Variants in AHNAK observed in about 807,000 individuals in gnomAD.
The protein encoded by AHNAK is neuroblast differentiation-associated protein AHNAK.
Under a neutral mutation model 37.8 loss-of-function variants are expected in AHNAK, and 23 were observed. The observed-to-expected ratio is 0.61, with a 90% CI of 0.44 to 0.86. AHNAK has a LOEUF of 0.86. Among genes scored for constraint, AHNAK ranks in the 40% least tolerant of loss-of-function variants. The pLI, the probability that AHNAK is intolerant of heterozygous loss-of-function variation, is 0.00. For missense variants in AHNAK, 7,411 were observed against 7,319.4 expected (o/e 1.01, Z -0.46); for synonymous variants, 2,481 against 2,636.3 (o/e 0.94, Z 1.80).
At chr11:62,485,087 C>T (rs1386298145) in intron 5 of AHNAK, among the ~76,000 whole-genome samples, 1 of 152,294 alleles carries the variant, frequency 6.6e-6, no homozygotes, top group Admixed American at 6.5e-5. Context: ...CCGTGCCTGG[C>T]CTTTGACTTA....
At chr11:62,473,579 G>C (rs569708299) in intron 5 of AHNAK, among the ~76,000 whole-genome samples, 2 of 152,014 alleles carry the variant, frequency 1.3e-5, no homozygotes, top group East Asian at 3.9e-4. Context: ...CAGTTACTCA[G>C]GAGGCTGAGA....
chr11:62,515,904 A>G lies in AHNAK; in HGVS notation c.*840T>C. On this transcript the variant is annotated 3_prime_UTR_variant, in exon 5 of 5. Transcript: ENST00000378024. ...ACAGAATGCAAAGGCACAAGACATC[A>G]AGGTTAATAAACAGCTTTATTTGCC... 1 of 1,142,766 alleles carries G rather than the reference A, an allele frequency of 8.8e-7. No homozygotes were observed. Among genetic ancestry groups the G allele is most frequent in the Non-Finnish European group, 1.1e-6 (1 of 917,234 alleles). The allele number at this position is 1,142,766 out of a possible 1,614,324, so 70.8% of individuals were successfully genotyped here. A position where few individuals can be genotyped will look rare whatever the true frequency, so the allele number is the denominator to read the frequency against.
chr11:62,543,883 G>A (rs577932353), intron 1 of AHNAK, among the ~76,000 whole-genome samples: 10 of 152,314 alleles, frequency 6.6e-5, no homozygotes, highest in South Asian at 4.1e-4. Context: ...GCCCAGCTCC[G>A]GGGAGAGAAA....
chr11:62,529,465 G>A lies in AHNAK; in HGVS notation c.4952C>T (p.Pro1651Leu). The change falls in exon 5 of 5, where the codon CCC becomes CTC. Residue 1651 changes from proline (P) to leucine (L), a missense_variant. Transcript: ENST00000378024. Reference sequence around the variant, plus strand: ...GTCCACATCGGGCATGGAGATCTTGGGGGCCTTGAAATGCATCTCAGGCAT... The same window carrying A: ...GTCCACATCGGGCATGGAGATCTTGAGGGCCTTGAAATGCATCTCAGGCAT... The part of the protein sequence containing the change: ...FKMPEMHFKA[P>L]KISMPDVDLH... 1.9e-6 allele frequency: 3 copies of A among 1,613,948 alleles called. No homozygotes were observed. Among genetic ancestry groups the A allele is most frequent in the Non-Finnish European group, 2.5e-6 (3 of 1,179,988 alleles).
At position 62,518,233 on chromosome 11, in the gene AHNAK, T is replaced by C; in HGVS notation, c.16184A>G (p.Glu5395Gly). The change falls in exon 5 of 5, where the codon GAG (glutamate) becomes GGG (glycine). Residue 5395 changes from glutamate to glycine, a missense_variant. By Grantham distance (98) the Glu-to-Gly change is moderately conservative. Coordinates refer to ENST00000378024, the MANE Select transcript of AHNAK (RefSeq NM_001620.3). ...AAGTTTAATGCTGCCTTCGGATGCC[T>C]CCAAGCTTAGATCAGGAGCTCCTAC... ...VSVGAPDLSLEASEGSIKLPK... is the reference protein window; with the variant it reads ...VSVGAPDLSLGASEGSIKLPK... The C allele has an allele frequency of 6.2e-7, 1 of 1,614,182 alleles. No homozygotes were observed. The highest frequency in any genetic ancestry group is 8.5e-7 in the Non-Finnish European group (1 of 1,180,034).
intron 5 of AHNAK, among the ~76,000 whole-genome samples, chr11:62,484,345 C>T (rs150476355): frequency 1.2e-3 from 185 of 152,118 alleles, no homozygotes; most frequent in African/African-American, 3.9e-3. Context: ...ATGATCATGC[C>T]ACCACACTAC....
chr11:62,488,941 C>T (rs1430396345), intron 5 of AHNAK, among the ~76,000 whole-genome samples: 1 of 151,360 alleles, frequency 6.6e-6, no homozygotes, highest in Admixed American at 6.6e-5. Context: ...TGGAAGAGCA[C>T]AATAAAGACA....
At chr11:62,461,700 C>T (rs969466976) in intron 5 of AHNAK, among the ~76,000 whole-genome samples, 11 of 152,046 alleles carry the variant, frequency 7.2e-5, no homozygotes, top group African/African-American at 2.7e-4. Context: ...TGGTGTATGC[C>T]TGTAATCCCA....
chr11:62,535,294 C>T (rs1050451504), intron 3 of AHNAK, 104 bp from the exon 4 acceptor site: 1 of 1,063,296 alleles, frequency 9.4e-7, no homozygotes, highest in Non-Finnish European at 1.4e-6. Flanking sequence ...CTCATGACCA[C>T]CCTGCAAGGT....
chr11:62,464,992 C>G (rs917905700), intron 5 of AHNAK, among the ~76,000 whole-genome samples: 3 of 152,136 alleles, frequency 2.0e-5, no homozygotes, highest in Non-Finnish European at 2.9e-5. Context: ...GAAGAGCTTT[C>G]CTCTAGATCC....
chr11:62,527,489 G>C lies in AHNAK; in HGVS notation c.6928C>G (p.Pro2310Ala). The C allele has an allele frequency of 6.2e-7, 1 of 1,614,008 alleles. No homozygotes were observed. The highest frequency in any genetic ancestry group is 1.1e-5 in the South Asian group (1 of 91,070). ...FKMPEMHFKT[P>A]KISMPDVDFN... is the part of the protein sequence containing the mutation. The stretch of plus-strand genomic sequence containing the variant: ...TCAACATCAGGCATGGAGATCTTGG[G>C]GGTCTTGAAGTGCATCTCAGGCATC... Residue 2310 changes from proline to alanine, a missense_variant, in exon 5 of 5, where the codon CCC (proline) becomes GCC (alanine). Transcript: ENST00000378024.
At chr11:62,446,745 C>T (rs1227639730) in intron 5 of AHNAK, among the ~76,000 whole-genome samples, 1 of 151,992 alleles carries the variant, frequency 6.6e-6, no homozygotes, top group East Asian at 1.9e-4. Flanking sequence ...GTGACAACCA[C>T]CACCTCCTGG....
At position 62,520,782 on chromosome 11, in the gene AHNAK, C is replaced by T; in HGVS notation, c.13635G>A (p.Glu4545=). Residue 4545 remains glutamate, a synonymous_variant, in exon 5 of 5, where the codon GAG becomes GAA. Transcript: ENST00000378024. ...CCACTTTGGGACCTTTCAGATCTCC[C>T]TCCAGTTTAGGAACGGAAATGTCCA... ...GDMDISVPKL[E]GDLKGPKVDV... The T allele has an allele frequency of 1.2e-6, 2 of 1,613,990 alleles. No homozygotes were observed.
intron 1 of AHNAK, among the ~76,000 whole-genome samples, chr11:62,543,238 C>A (rs747827803): frequency 6.6e-6 from 1 of 152,172 alleles, no homozygotes; most frequent in African/African-American, 2.4e-5. Flanking sequence ...TGTCCAGGAC[C>A]GAGAAACTCA....
intron 5 of AHNAK, among the ~76,000 whole-genome samples, chr11:62,446,776 G>A (rs141806437): frequency 3.3e-5 from 5 of 151,954 alleles, no homozygotes; most frequent in African/African-American, 1.2e-4. Context: ...CCACCTCCAT[G>A]CCTCCTTCAG....
intron 5 of AHNAK, among the ~76,000 whole-genome samples, chr11:62,486,036 AAAAG>A (rs900891745): frequency 2.0e-5 from 3 of 151,096 alleles, no homozygotes; most frequent in African/African-American, 7.3e-5. Flanking sequence ...AAAAAAAAAA[AAAAG>A]AGAGAGAGAG....
In AHNAK at chr11:62,536,051, C is replaced by T; in HGVS notation, c.48G>A (p.Gln16=). The part of the protein sequence containing the change: ...TTRELLLPNW[Q]GSGSHGLTIA... ...TGGTCAGCCCGTGGGAGCCACTACC[C>T]TGCCAGTTGGGCAGCAGCAGCTCCC... is the stretch of plus-strand genomic sequence containing the variant. The change falls in exon 3 of 5, where the codon CAG becomes CAA. Residue 16 remains glutamine, a synonymous_variant. Transcript: ENST00000378024. 6.2e-7 allele frequency: 1 copy of T among 1,609,106 alleles called. No homozygotes were observed. The highest frequency in any genetic ancestry group is 8.5e-7 in the Non-Finnish European group (1 of 1,177,230).
chr11:62,455,441 C>T (rs1938635119), intron 5 of AHNAK, among the ~76,000 whole-genome samples: 1 of 151,920 alleles, frequency 6.6e-6, no homozygotes, highest in Non-Finnish European at 1.5e-5. Context: ...CGTGGTGGCT[C>T]ACGCCTGTAA....
At chr11:62,468,110 G>A (rs1938951901) in intron 5 of AHNAK, among the ~76,000 whole-genome samples, 1 of 152,114 alleles carries the variant, frequency 6.6e-6, no homozygotes, top group Non-Finnish European at 1.5e-5. Context: ...CACTTTGGGA[G>A]GCCGAAATGG....
Sources: allele counts gnomAD v4.1 joint callset (sites outside exome capture counted in the v4.1 genomes callset), GRCh38; gene constraint gnomAD v4.1.1; transcripts MANE v1.5; gene names NCBI Gene and HGNC (gene_info 2026-07-23, HGNC 2026-07-21).